Variants in C5 observed in about 807,000 individuals in gnomAD.
C5 encodes the protein complement C5.
C5 carries 140 observed loss-of-function variants against 218.8 expected under a neutral mutation model. That is an observed-to-expected ratio of 0.64 (90% CI 0.56 to 0.74). The LOEUF is 0.74. C5 is among the 30% of genes least tolerant of loss of function. The pLI, the probability that C5 is intolerant of heterozygous loss-of-function variation, is 0.00. For synonymous variants in C5, 614 were observed against 682.3 expected (o/e 0.90, Z 1.56); for missense variants, 1,700 against 1,969.6 (o/e 0.86, Z 2.59).
At chr9:121,065,786 C>T in the C5 span, among the ~76,000 whole-genome samples, 27 of 152,024 alleles carry the variant, frequency 1.8e-4, no homozygotes, top group Non-Finnish European at 4.4e-5. Context: ...CTGCGCCCAG[C>T]CCAGCATTAC....
At chr9:121,009,043 A>T (rs903753164) in intron 17 of C5, among the ~76,000 whole-genome samples, 3 of 152,206 alleles carry the variant, frequency 2.0e-5, no homozygotes, top group Non-Finnish European at 4.4e-5. Context: ...TAAATTGCTA[A>T]ATGTTTAGTA....
rs543229381 is a variant in C5, at chr9:120,952,974, A to G, written c.4902-106T>C. ...AGTCTTGCTCAGTCGCCCATGCTGG[A>G]GTGCAGTGGCGTGATCTCAGCTCAC... On this transcript the variant is annotated intron_variant, in intron 40 of 40. Coordinates refer to ENST00000223642, the MANE Select transcript of C5 (RefSeq NM_001735.3). The G allele has an allele frequency of 1.2e-5, 15 of 1,224,636 alleles. No individual in the cohort carries two copies. In the South Asian group the frequency reaches 1.6e-4, roughly 13 times the overall value. 75.9% of individuals were successfully genotyped at this position (1,224,636 alleles called of 1,614,324 possible).
chr9:120,983,281 G>A (rs2047008508), intron 25 of C5, among the ~76,000 whole-genome samples: 2 of 152,152 alleles, frequency 1.3e-5, no homozygotes, highest in African/African-American at 2.4e-5. Flanking sequence ...GTCCTTGAGT[G>A]CTGCCATTGA....
chr9:120,984,754 C>T (rs189990431), intron 25 of C5, among the ~76,000 whole-genome samples: 1 of 122,624 alleles, frequency 8.2e-6, no homozygotes, highest in African/African-American at 3.2e-5. Context: ...CGGACTCTCT[C>T]TCTGTTGCCC....
the C5 span, among the ~76,000 whole-genome samples, chr9:121,058,041 A>G: frequency 1.3e-5 from 2 of 152,230 alleles, no homozygotes; most frequent in African/African-American, 2.4e-5. Context: ...TCACGTCTCA[A>G]TAAGACCTGT....
chr9:120,983,268 C>T (rs1268045110), intron 25 of C5, among the ~76,000 whole-genome samples: 1 of 152,180 alleles, frequency 6.6e-6, no homozygotes, highest in Non-Finnish European at 1.5e-5. Context: ...GTTTATCTCA[C>T]TTGTCCTTGA....
intron 27 of C5, among the ~76,000 whole-genome samples, chr9:120,980,885 T>C (rs982546165): frequency 3.3e-5 from 5 of 152,130 alleles, no homozygotes; most frequent in Admixed American, 1.3e-4. Flanking sequence ...CGTGAGCCAC[T>C]GCACCCGGCC....
At chr9:120,981,815 G>C in intron 27 of C5, 29 bp downstream of exon 27, 1 of 1,429,618 alleles carries the variant, frequency 7.0e-7, no homozygotes, top group Non-Finnish European at 9.9e-7. Flanking sequence ...ATAGATGATG[G>C]GTGTGAGAGA....
At chr9:121,066,872 A>C in the C5 span, among the ~76,000 whole-genome samples, 1 of 151,032 alleles carries the variant, frequency 6.6e-6, no homozygotes, top group Non-Finnish European at 1.5e-5. Context: ...GAAAAAAAAA[A>C]AAAACAAAAA....
chr9:121,043,272 T>A, intron 2 of C5, 106 bp from the exon 3 acceptor site: 1 of 962,314 alleles, frequency 1.0e-6, no homozygotes, highest in Non-Finnish European at 1.6e-6. Context: ...AGTATGTATA[T>A]GTAATCATTT....
chr9:121,035,362 T>A (rs2047515412), intron 4 of C5, among the ~76,000 whole-genome samples: 1 of 152,250 alleles, frequency 6.6e-6, no homozygotes, highest in South Asian at 2.1e-4. Flanking sequence ...AAATGTATAG[T>A]ATGGGCATTT....
the C5 span, among the ~76,000 whole-genome samples, chr9:121,073,511 CTTTTTTTTTTTTTT>C: frequency 1.4e-5 from 1 of 73,006 alleles, no homozygotes; most frequent in South Asian, 5.9e-4. Flanking sequence ...GAAAACTGGA[CTTTTTTTTTTTTTT>C]TTTTTTTTTG....
intron 12 of C5, among the ~76,000 whole-genome samples, chr9:121,019,165 A>C (rs2047342193): frequency 6.6e-6 from 1 of 152,184 alleles, no homozygotes; most frequent in Admixed American, 6.5e-5. Context: ...ACGTGAAGCC[A>C]AAATGCCCTC....
rs1163875535 is a variant in C5, at chr9:121,027,197, T to G, written c.836A>C (p.Gln279Pro). ...CATTGCTGTTTGCATCATTTCTTTT[T>G]GATCATCTTTTAAGTCTTCTCTTAT... ...FGIREDLKDD[Q>P]KEMMQTAMQN... Residue 279 changes from glutamine to proline, a missense_variant, in exon 8 of 41, where the codon CAA becomes CCA. By Grantham distance (76) the Gln-to-Pro change is moderately conservative. Coordinates refer to ENST00000223642, the MANE Select transcript of C5 (RefSeq NM_001735.3). 1.2e-6 allele frequency: 2 copies of G among 1,601,356 alleles called. No individual in the cohort carries two copies. The highest frequency in any genetic ancestry group is 1.7e-6 in the Non-Finnish European group (2 of 1,170,334).
At chr9:121,074,838 C>T in the C5 span, 5 of 456,186 alleles carry the variant, frequency 1.1e-5, no homozygotes, top group Non-Finnish European at 2.2e-5. Context: ...CCCCGGCATC[C>T]TAGCGCGCTG....
chr9:121,053,084 A>G (rs2047680826), upstream of C5, among the ~76,000 whole-genome samples: 1 of 152,174 alleles, frequency 6.6e-6, no homozygotes, highest in Admixed American at 6.5e-5. Flanking sequence ...AAGAGAGGTG[A>G]TGTGACCCAT....
intron 29 of C5, among the ~76,000 whole-genome samples, chr9:120,975,566 A>G (rs1383073716): frequency 7.2e-5 from 11 of 152,320 alleles, no homozygotes; most frequent in Non-Finnish European, 8.8e-5. Context: ...TACCACTTTC[A>G]TAAATGGATT....
intron 1 of C5, among the ~76,000 whole-genome samples, chr9:121,048,449 C>A (rs987486643): frequency 5.9e-5 from 9 of 152,224 alleles, no homozygotes; most frequent in African/African-American, 7.2e-5. Context: ...AGATTGCAAG[C>A]TCCTTATGAG....
At chr9:121,025,127 T>TGAG (rs2047408508) in intron 9 of C5, among the ~76,000 whole-genome samples, 1 of 152,136 alleles carries the variant, frequency 6.6e-6, no homozygotes. Flanking sequence ...TTTCACCACG[T>TGAG]GAGGACACTA....
Sources: allele counts gnomAD v4.1 joint callset (sites outside exome capture counted in the v4.1 genomes callset), GRCh38; gene constraint gnomAD v4.1.1; transcripts MANE v1.5; gene names NCBI Gene and HGNC (gene_info 2026-07-23, HGNC 2026-07-21).